BCAS3: variants seen among roughly 807,000 people sequenced by gnomAD.
The protein encoded by BCAS3 is BCAS3 microtubule associated cell migration factor, also known as BCAS4/BCAS3 fusion.
A neutral mutation model predicts 116.1 loss-of-function variants in BCAS3; 53 were observed. That is an observed-to-expected ratio of 0.46 (90% CI 0.37 to 0.57). The LOEUF (loss-of-function observed/expected upper bound fraction) is 0.57. Ranked by LOEUF, BCAS3 falls within the 20% of genes least tolerant of loss-of-function variation. BCAS3 has a pLI of 0.00. For missense variants in BCAS3, 917 were observed against 1,165.4 expected, an observed-to-expected ratio of 0.79 and a Z score of 3.10; for synonymous variants, 391 against 408.2, an observed-to-expected ratio of 0.96 and a Z score of 0.51.
intron 22 of BCAS3, among the ~76,000 whole-genome samples, chr17:61,221,360 G>GA (rs1306512496): frequency 1.3e-5 from 2 of 152,046 alleles, no homozygotes; most frequent in South Asian, 2.1e-4. Context: ...CAGGCTGCCT[G>GA]AAAAAAATCT....
chr17:60,788,496 G>A (rs531804091), intron 6 of BCAS3, among the ~76,000 whole-genome samples: 2 of 152,092 alleles, frequency 1.3e-5, no homozygotes, highest in Non-Finnish European at 2.9e-5. Flanking sequence ...CTTTAATATA[G>A]TTTAATAAAC....
chr17:61,050,638 G>A (rs1004114100), intron 19 of BCAS3, among the ~76,000 whole-genome samples: 3 of 151,940 alleles, frequency 2.0e-5, no homozygotes, highest in Non-Finnish European at 4.4e-5. Context: ...ACAAGCAAGA[G>A]CATGTAATTC....
intron 19 of BCAS3, among the ~76,000 whole-genome samples, chr17:61,057,676 T>C (rs1393182085): frequency 6.7e-6 from 1 of 149,818 alleles, no homozygotes; most frequent in Non-Finnish European, 1.5e-5. Flanking sequence ...TCTTGTTACT[T>C]TTTTTTTTTT....
chr17:61,283,868 G>GT (rs1433456319), intron 22 of BCAS3, among the ~76,000 whole-genome samples: 1 of 151,226 alleles, frequency 6.6e-6, no homozygotes, highest in East Asian at 2.0e-4. Context: ...GGCTCAAACA[G>GT]TCCTCCTGCC....
intron 6 of BCAS3, among the ~76,000 whole-genome samples, chr17:60,761,430 T>TCAATTC (rs370022343): frequency 0.26 from 39,657 of 151,090 alleles, 10,964 homozygotes; most frequent in African/African-American, 0.71. Context: ...TTCTCATTGT[T>TCAATTC]CCACCTATGA....
intron 7 of BCAS3, among the ~76,000 whole-genome samples, chr17:60,855,837 C>T (rs1259747506): frequency 6.6e-6 from 1 of 152,056 alleles, no homozygotes; most frequent in Non-Finnish European, 1.5e-5. Context: ...GTGCATGCCA[C>T]TATGCCTACC....
intron 10 of BCAS3, among the ~76,000 whole-genome samples, chr17:60,890,482 A>G (rs2057070638): frequency 6.6e-6 from 1 of 152,096 alleles, no homozygotes; most frequent in African/African-American, 2.4e-5. Context: ...GAATAATTTA[A>G]TTTACATTAA....
intron 13 of BCAS3, among the ~76,000 whole-genome samples, chr17:60,936,492 C>T (rs2059934103): frequency 6.6e-6 from 1 of 152,036 alleles, no homozygotes; most frequent in Non-Finnish European, 1.5e-5. Flanking sequence ...AAAAGTGTTC[C>T]TATTTCTCCA....
chr17:60,716,798 T>C (rs561506837), intron 5 of BCAS3, among the ~76,000 whole-genome samples: 5 of 152,288 alleles, frequency 3.3e-5, no homozygotes, highest in East Asian at 3.9e-4. Context: ...AGGCTCCTAA[T>C]AGATTTTCCA....
chr17:60,984,696 A>G (rs919424499), intron 14 of BCAS3, among the ~76,000 whole-genome samples: 1 of 152,072 alleles, frequency 6.6e-6, no homozygotes, highest in Non-Finnish European at 1.5e-5. Flanking sequence ...GTAGTTATAT[A>G]TATTTGTAGA....
chr17:60,828,051 G>C (rs1049176268), intron 7 of BCAS3, among the ~76,000 whole-genome samples: 2 of 151,982 alleles, frequency 1.3e-5, no homozygotes, highest in African/African-American at 4.8e-5. Context: ...CAAGAAGGAT[G>C]CAGTCTTGAC....
At position 61,377,324 on chromosome 17, in the gene BCAS3, TGTGGGACAGCCG is replaced by T. The variant is rs1347859228; in HGVS notation, c.2593+8835_2593+8846del. Among the ~76,000 whole-genome samples the T allele has an allele frequency of 6.6e-6, 1 of 152,144 alleles. No homozygotes were observed. Reference sequence around the variant, plus strand: ...GAGGGAGCAGCTGCGCCAGCGAGACTGTGGGACAGCCGGTGGCCTCGGCAGGGGTGGTGTTGT... The same window carrying T: ...GAGGGAGCAGCTGCGCCAGCGAGACTGTGGCCTCGGCAGGGGTGGTGTTGT... On this transcript the variant is annotated intron_variant, in intron 23 of 23. Transcript: ENST00000407086. This position sits in a 1 kb window ranked among gnomAD's most constrained non-coding sequence, Gnocchi z 4.6.
chr17:61,140,197 A>T lies in BCAS3; in HGVS notation c.2425+55633A>T, dbSNP rs2076844518. On this transcript the variant is annotated intron_variant, in intron 22 of 23. Coordinates refer to ENST00000407086, the MANE Select transcript of BCAS3 (RefSeq NM_017679.5). The surrounding 1 kb of genome is among the most constrained non-coding windows in gnomAD (Gnocchi z 4.2). ...GGTTGCAGTGAGTCAGGATCACACC[A>T]CTGCACTCCAGCCTGGGTGACAGAG... 1.3e-5 allele frequency among the ~76,000 whole-genome samples: 2 copies of T among 152,210 alleles called. No homozygotes were observed. The highest frequency in any genetic ancestry group is 4.8e-5 in the African/African-American group (2 of 41,450).
rs1253111465 is a variant in BCAS3, at chr17:61,220,760, C to T, written c.2425+136196C>T. 6.6e-6 allele frequency among the ~76,000 whole-genome samples: 1 copy of T among 152,162 alleles called. No individual in the cohort carries two copies. The highest frequency in any genetic ancestry group is 1.5e-5 in the Non-Finnish European group (1 of 68,020). On this transcript the variant is annotated intron_variant, in intron 22 of 23. Coordinates refer to ENST00000407086, the MANE Select transcript of BCAS3 (RefSeq NM_017679.5). The surrounding 1 kb of genome is among the most constrained non-coding windows in gnomAD (Gnocchi z 4.5). ...TGTTGGTGTGATACAAGAACTTGGT[C>T]TAATCAGGAGGAGCCTCTGAGGAAA...
chr17:61,293,043 T>C (rs2052584252), intron 22 of BCAS3, among the ~76,000 whole-genome samples: 1 of 152,212 alleles, frequency 6.6e-6, no homozygotes, highest in Admixed American at 6.5e-5. Flanking sequence ...TATAAAATTT[T>C]TGGTAAAGTT....
intron 6 of BCAS3, among the ~76,000 whole-genome samples, chr17:60,800,938 C>A (rs1008094042): frequency 1.3e-5 from 2 of 151,986 alleles, no homozygotes; most frequent in African/African-American, 4.8e-5. Context: ...TATTCCTCTG[C>A]TAGTACCACT....
intron 22 of BCAS3, among the ~76,000 whole-genome samples, chr17:61,328,929 C>G (rs1303382015): frequency 1.5e-5 from 2 of 135,118 alleles, no homozygotes; most frequent in Non-Finnish European, 1.5e-5. Context: ...GAGTCTTGCT[C>G]TGTCGCCCAG....
Position 61,222,625 on chromosome 17 carries a change from G to C in BCAS3, c.2425+138061G>C, listed in dbSNP as rs2082170159. Reference sequence around the variant, plus strand: ...AGTAATAACTGAACATGGTTAATTTGTTCTGGTTTATTGTTGATTGGGTGA... The same window carrying C: ...AGTAATAACTGAACATGGTTAATTTCTTCTGGTTTATTGTTGATTGGGTGA... On this transcript the variant is annotated intron_variant, in intron 22 of 23. Coordinates refer to ENST00000407086, the MANE Select transcript of BCAS3 (RefSeq NM_017679.5). This position sits in a 1 kb window ranked among gnomAD's most constrained non-coding sequence, Gnocchi z 6.1. Among the ~76,000 whole-genome samples, 1 of 152,072 alleles carries C rather than the reference G, an allele frequency of 6.6e-6. No homozygotes were observed. Among genetic ancestry groups the C allele is most frequent in the Non-Finnish European group, 1.5e-5 (1 of 68,020 alleles).
At chr17:61,272,636 CAAAAAAAAAAAAAAAAAAAAA>C (rs373837874) in intron 22 of BCAS3, among the ~76,000 whole-genome samples, 2 of 47,376 alleles carry the variant, frequency 4.2e-5, no homozygotes, top group Non-Finnish European at 7.7e-5. Flanking sequence ...AACCCTGTCT[CAAAAAAAAAAAAAAAAAAAAA>C]AAAAAAAAAA....
Sources: allele counts gnomAD v4.1 joint callset (sites outside exome capture counted in the v4.1 genomes callset), GRCh38; gene constraint gnomAD v4.1.1; non-coding constraint Gnocchi (gnomAD v3.1); transcripts MANE v1.5; gene names NCBI Gene and HGNC (gene_info 2026-07-23, HGNC 2026-07-21).